The following SDK1 variants were observed in gnomAD, a reference collection of about 807,000 sequenced individuals.
The protein encoded by SDK1 is sidekick cell adhesion molecule 1.
Under a neutral mutation model 245.5 loss-of-function variants are expected in SDK1, and 157 were observed. The observed-to-expected ratio is 0.64, with a 90% CI of 0.56 to 0.73. SDK1 has a LOEUF of 0.73. SDK1 is among the 30% of genes least tolerant of loss of function. The pLI, the probability that SDK1 is intolerant of heterozygous loss-of-function variation, is 0.00. For missense variants in SDK1, 3,583 were observed against 3,002.3 expected, an observed-to-expected ratio of 1.19 and a Z score of -4.52; for synonymous variants, 1,647 against 1,278.5, an observed-to-expected ratio of 1.29 and a Z score of -6.15.
intron 4 of SDK1, among the ~76,000 whole-genome samples, chr7:3,809,261 C>T (rs756490062): frequency 2.4e-4 from 37 of 152,124 alleles, no homozygotes; most frequent in Non-Finnish European, 5.1e-4. Flanking sequence ...CACAAGAAGT[C>T]ACTATCGTGA....
At chr7:3,467,017 C>CAT in intron 1 of SDK1, among the ~76,000 whole-genome samples, 1 of 147,712 alleles carries the variant, frequency 6.8e-6, no homozygotes, top group East Asian at 2.0e-4. Flanking sequence ...CACACACACA[C>CAT]ACACACACAC....
chr7:3,679,241 T>A (rs1784020044), intron 4 of SDK1, among the ~76,000 whole-genome samples: 2 of 152,182 alleles, frequency 1.3e-5, no homozygotes, highest in African/African-American at 4.8e-5. Context: ...GAAGAACTCC[T>A]AAAATTCAAT....
At chr7:3,711,488 A>T (rs1785051040) in intron 4 of SDK1, among the ~76,000 whole-genome samples, 1 of 152,154 alleles carries the variant, frequency 6.6e-6, no homozygotes, top group South Asian at 2.1e-4. Flanking sequence ...CATGGAGGTG[A>T]TAGTTTGCTT....
At chr7:3,564,574 G>C (rs773319644) in intron 1 of SDK1, among the ~76,000 whole-genome samples, 1 of 152,048 alleles carries the variant, frequency 6.6e-6, no homozygotes, top group East Asian at 1.9e-4. Context: ...GATTTTATTG[G>C]AACAAAATGT....
intron 40 of SDK1, among the ~76,000 whole-genome samples, chr7:4,232,518 C>T (rs1785862317): frequency 6.7e-6 from 1 of 150,014 alleles, no homozygotes; most frequent in African/African-American, 2.5e-5. Flanking sequence ...AGTGCAATGG[C>T]ACAATCTCAG....
intron 1 of SDK1, among the ~76,000 whole-genome samples, chr7:3,550,042 T>C (rs1187825143): frequency 6.6e-6 from 1 of 152,214 alleles, no homozygotes; most frequent in Non-Finnish European, 1.5e-5. Context: ...AAAATAATGA[T>C]ATTTGTAAAA....
intron 1 of SDK1, among the ~76,000 whole-genome samples, chr7:3,357,902 C>T (rs868708520): frequency 6.6e-6 from 1 of 152,166 alleles, no homozygotes; most frequent in Non-Finnish European, 1.5e-5. Context: ...TTCTAAATTA[C>T]ATTTGCTTTA....
At chr7:3,412,198 G>C (rs1160459202) in intron 1 of SDK1, among the ~76,000 whole-genome samples, 1 of 152,064 alleles carries the variant, frequency 6.6e-6, no homozygotes, top group Non-Finnish European at 1.5e-5. Context: ...TTGAAGAGTT[G>C]GAAAGCATCT....
At chr7:3,748,869 A>G (rs1779697168) in intron 4 of SDK1, among the ~76,000 whole-genome samples, 1 of 152,220 alleles carries the variant, frequency 6.6e-6, no homozygotes, top group Non-Finnish European at 1.5e-5. Flanking sequence ...ACCGTTGTTC[A>G]GGTAAATATG....
At chr7:4,008,650 A>G (rs985470752) in intron 14 of SDK1, among the ~76,000 whole-genome samples, 2 of 152,220 alleles carry the variant, frequency 1.3e-5, no homozygotes, top group Non-Finnish European at 2.9e-5. Flanking sequence ...AAAGGAAGGA[A>G]TGTGAGCTGC....
chr7:3,488,176 A>C (rs1412736396), intron 1 of SDK1, among the ~76,000 whole-genome samples: 1 of 151,904 alleles, frequency 6.6e-6, no homozygotes. Context: ...TTGAATGACT[A>C]ATTTGTTTTC....
intron 2 of SDK1, among the ~76,000 whole-genome samples, chr7:3,636,335 T>C (rs1782456537): frequency 6.6e-6 from 1 of 152,224 alleles, no homozygotes; most frequent in South Asian, 2.1e-4. Flanking sequence ...CTCATATGGC[T>C]GAAACTTCCT....
At chr7:4,144,102 A>C in intron 28 of SDK1, among the ~76,000 whole-genome samples, 2 of 123,722 alleles carry the variant, frequency 1.6e-5, no homozygotes, top group African/African-American at 3.1e-5. Flanking sequence ...CCCTCTCCCT[A>C]CTCTCACTAC....
chr7:4,051,724 A>G lies in SDK1; in HGVS notation c.2805A>G (p.Ile935Met). The change falls in exon 19 of 45, where the codon ATA (isoleucine) becomes ATG (methionine). Residue 935 changes from isoleucine to methionine, a missense_variant. Physicochemically the swap from Ile to Met is conservative, Grantham distance 10. Transcript: ENST00000404826. ...PDFHGVHHGH[I>M]TNLKKFTAYF... ...TCCACGGAGTCCACCATGGACACAT[A>G]ACGAACCTGAAGAAGTTTACCGCCT... 2 of 1,613,932 alleles carry G rather than the reference A, an allele frequency of 1.2e-6. No homozygotes were observed. Among genetic ancestry groups the G allele is most frequent in the Non-Finnish European group, 1.7e-6 (2 of 1,179,934 alleles).
intron 1 of SDK1, among the ~76,000 whole-genome samples, chr7:3,304,030 T>G (rs1779351470): frequency 6.6e-6 from 1 of 152,204 alleles, no homozygotes; most frequent in Non-Finnish European, 1.5e-5. Flanking sequence ...CTCATGTAAG[T>G]AGGCTAGGTC....
intron 38 of SDK1, 29 bp downstream of exon 38, chr7:4,210,191 C>T (rs747152310): frequency 1.0e-5 from 15 of 1,505,948 alleles, no homozygotes; most frequent in East Asian, 4.8e-5. Context: ...GAGATGGGAG[C>T]GCGGGCCACA....
chr7:3,778,097 C>T (rs894726134), intron 4 of SDK1, among the ~76,000 whole-genome samples: 1 of 152,182 alleles, frequency 6.6e-6, no homozygotes, highest in African/African-American at 2.4e-5. Flanking sequence ...CCATAAAAAT[C>T]AAGTAGAGCA....
At chr7:4,017,116 A>C in intron 16 of SDK1, 55 bp from the exon 17 acceptor site, 722 of 1,523,088 alleles carry the variant, frequency 4.7e-4, no homozygotes, top group Non-Finnish European at 5.8e-4. Context: ...GCGGGTAAAC[A>C]CCGTTCCTGG....
At chr7:3,379,513 C>G (rs1284132397) in intron 1 of SDK1, among the ~76,000 whole-genome samples, 1 of 151,994 alleles carries the variant, frequency 6.6e-6, no homozygotes, top group Non-Finnish European at 1.5e-5. Context: ...GACCTTTATT[C>G]GTAGATGGAG....
Sources: gnomAD v4.1 joint callset for allele counts (sites outside exome capture counted in the v4.1 genomes callset) on GRCh38, gnomAD v4.1.1 for gene constraint, MANE v1.5 for transcripts, NCBI Gene and HGNC (gene_info 2026-07-23, HGNC 2026-07-21) for gene names.